SLC25A21: variants seen among roughly 807,000 people sequenced by gnomAD.
The protein encoded by SLC25A21 is solute carrier family 25 member 21.
Under a neutral mutation model 43.8 loss-of-function variants are expected in SLC25A21, and 47 were observed. The ratio of observed to expected loss-of-function variants is 1.07; its 90% CI spans 0.85 to 1.37. SLC25A21 has a LOEUF of 1.37. Among genes scored for constraint, SLC25A21 ranks in the 40% most tolerant of loss-of-function variants. The pLI is 0.00. For missense variants in SLC25A21, 352 were observed against 350.2 expected, an observed-to-expected ratio of 1.00 and a Z score of -0.04; for synonymous variants, 131 against 121.3, an observed-to-expected ratio of 1.08 and a Z score of -0.52.
intron 1 of SLC25A21, among the ~76,000 whole-genome samples, chr14:36,879,440 T>C (rs1414113542): frequency 6.6e-6 from 1 of 152,188 alleles, no homozygotes; most frequent in African/African-American, 2.4e-5. Flanking sequence ...AGCAGACTGA[T>C]ACTGTAAATT....
At chr14:36,876,588 C>G (rs1890532118) in intron 1 of SLC25A21, among the ~76,000 whole-genome samples, 1 of 119,540 alleles carries the variant, frequency 8.4e-6, no homozygotes, top group South Asian at 2.6e-4. Flanking sequence ...AGAAATCTTC[C>G]TTGCTAACTG....
rs1190675465 is a variant in SLC25A21 at position 37,152,415 on chromosome 14, T to C, written c.70+19866A>G. Among the ~76,000 whole-genome samples, 3 of 144,726 alleles carry C rather than the reference T, an allele frequency of 2.1e-5. No individual in the cohort carries two copies. The Admixed American group carries it at 2.2e-4, about 11-fold the overall frequency. 94.9% of individuals were successfully genotyped at this position (144,726 alleles called of 152,430 possible). On this transcript the variant is annotated intron_variant, in intron 1 of 9. Transcript: ENST00000331299. ...TTTTTTTTTTTTGACAGAGTCTCGC[T>C]CTCTCACCCAGACTGAAGTGCAGTG...
intron 1 of SLC25A21, among the ~76,000 whole-genome samples, chr14:37,105,746 T>C (rs746864571): frequency 1.3e-5 from 2 of 152,008 alleles, no homozygotes; most frequent in Non-Finnish European, 2.9e-5. Flanking sequence ...CAGAATAGAA[T>C]AGAATTAGTA....
chr14:36,706,161 C>T (rs1040353952), intron 7 of SLC25A21, among the ~76,000 whole-genome samples: 4 of 152,132 alleles, frequency 2.6e-5, no homozygotes, highest in African/African-American at 9.7e-5. Flanking sequence ...AGGAATAGTT[C>T]GGGGGAAAAA....
At chr14:37,004,675 G>C (rs1446051274) in intron 1 of SLC25A21, among the ~76,000 whole-genome samples, 2 of 152,114 alleles carry the variant, frequency 1.3e-5, no homozygotes, top group Non-Finnish European at 2.9e-5. Context: ...GCCTGCTGAG[G>C]GCTCCTCTGG....
At chr14:36,740,290 T>C (rs960097404) in intron 3 of SLC25A21, among the ~76,000 whole-genome samples, 2 of 152,158 alleles carry the variant, frequency 1.3e-5, no homozygotes, top group Admixed American at 6.5e-5. Flanking sequence ...ATTAGTGTGA[T>C]TGTCTGTGAA....
chr14:36,867,180 C>T lies in SLC25A21; in HGVS notation c.119+7776G>A, dbSNP rs147972553. 7.0e-4 allele frequency among the ~76,000 whole-genome samples: 106 copies of T among 152,266 alleles called. No individual in the cohort carries two copies. The East Asian group carries it at 0.013, about 18-fold the overall frequency. ...ACCTTCTTACATTACCTACTTCTTT[C>T]CCAATCCAGTCACTGAAACTCCACC... On this transcript the variant is annotated intron_variant, in intron 2 of 9. Coordinates refer to ENST00000331299, the MANE Select transcript of SLC25A21 (RefSeq NM_030631.4).
intron 1 of SLC25A21, among the ~76,000 whole-genome samples, chr14:37,041,669 T>C (rs1020276909): frequency 6.6e-6 from 1 of 152,158 alleles, no homozygotes; most frequent in Non-Finnish European, 1.5e-5. Context: ...AATATAGTAA[T>C]GTGTCTAGAG....
intron 1 of SLC25A21, among the ~76,000 whole-genome samples, chr14:37,150,383 A>G (rs1335807503): frequency 6.6e-6 from 1 of 152,358 alleles, no homozygotes; most frequent in East Asian, 1.9e-4. Flanking sequence ...AAGAAAATAA[A>G]TATTATACAA....
At chr14:36,797,605 T>C (rs712333) in intron 3 of SLC25A21, among the ~76,000 whole-genome samples, 24,965 of 152,236 alleles carry the variant, frequency 0.16, 2,284 homozygotes, top group Middle Eastern at 0.25. Context: ...TCTATAGCAA[T>C]GAATCTCTGA....
intron 3 of SLC25A21, among the ~76,000 whole-genome samples, chr14:36,807,338 T>C (rs1888077624): frequency 6.6e-6 from 1 of 152,160 alleles, no homozygotes; most frequent in Non-Finnish European, 1.5e-5. Context: ...AATTGGTCTC[T>C]GTTAGATGGT....
intron 1 of SLC25A21, among the ~76,000 whole-genome samples, chr14:36,940,898 A>G (rs1054196945): frequency 2.0e-5 from 3 of 152,168 alleles, no homozygotes; most frequent in Non-Finnish European, 4.4e-5. Flanking sequence ...ATATAGAATG[A>G]CTGGATAGGT....
chr14:37,167,276 C>T (rs1201708981), intron 1 of SLC25A21, among the ~76,000 whole-genome samples: 2 of 152,054 alleles, frequency 1.3e-5, no homozygotes, highest in East Asian at 3.9e-4. Flanking sequence ...GTCTTTTTTT[C>T]TCAAAGGTCT....
intron 1 of SLC25A21, among the ~76,000 whole-genome samples, chr14:36,990,031 G>A (rs533984689): frequency 6.6e-6 from 1 of 152,260 alleles, no homozygotes; most frequent in African/African-American, 2.4e-5. Context: ...AAGTACGAGG[G>A]GTTTCTAGAG....
intron 1 of SLC25A21, among the ~76,000 whole-genome samples, chr14:37,027,146 C>T (rs1474456498): frequency 1.3e-5 from 2 of 152,146 alleles, no homozygotes; most frequent in Non-Finnish European, 2.9e-5. Flanking sequence ...AATACTGATG[C>T]AATCTCATTT....
At chr14:36,733,450 G>T (rs1388733425) in intron 4 of SLC25A21, among the ~76,000 whole-genome samples, 3 of 152,122 alleles carry the variant, frequency 2.0e-5, no homozygotes, top group African/African-American at 7.2e-5. Flanking sequence ...ATGTTCTAAA[G>T]CTTTGTTTTC....
intron 1 of SLC25A21, among the ~76,000 whole-genome samples, chr14:36,926,389 T>C (rs2138631030): frequency 6.6e-6 from 1 of 151,686 alleles, no homozygotes; most frequent in South Asian, 2.1e-4. Flanking sequence ...ACAAGAAACA[T>C]TAAGAATAAA....
intron 1 of SLC25A21, among the ~76,000 whole-genome samples, chr14:37,082,590 T>TAAATGTCC (rs1439559754): frequency 1.3e-5 from 2 of 152,138 alleles, no homozygotes; most frequent in Non-Finnish European, 2.9e-5. Context: ...CTAGAATATA[T>TAAATGTCC]AAATGTCCTA....
chr14:36,959,593 G>T (rs1025020956), intron 1 of SLC25A21, among the ~76,000 whole-genome samples: 3 of 152,130 alleles, frequency 2.0e-5, no homozygotes, highest in Non-Finnish European at 4.4e-5. Context: ...ATGTCACTAA[G>T]GGGTCTGAGA....
Sources: allele counts gnomAD v4.1 joint callset (sites outside exome capture counted in the v4.1 genomes callset), GRCh38; gene constraint gnomAD v4.1.1; transcripts MANE v1.5; gene names NCBI Gene and HGNC (gene_info 2026-07-23, HGNC 2026-07-21).